The following RASSF8 variants were observed in gnomAD, a reference collection of about 807,000 sequenced individuals.
RASSF8 encodes the protein ras association domain-containing protein 8.
In RASSF8, 22 loss-of-function variants were observed where a neutral mutation model predicts 48.5. The observed-to-expected ratio is 0.45, with a 90% CI of 0.32 to 0.65. The LOEUF is 0.65. Among genes scored for constraint, RASSF8 ranks in the 30% least tolerant of loss-of-function variants. RASSF8 has a pLI of 0.03. For synonymous variants in RASSF8, 127 were observed against 171.5 expected (o/e 0.74, Z 2.03); for missense variants, 418 against 489.2 (o/e 0.85, Z 1.37).
At chr12:25,960,507 C>T in intron 1 of RASSF8, among the ~76,000 whole-genome samples, 1 of 152,140 alleles carries the variant, frequency 6.6e-6, no homozygotes, top group East Asian at 1.9e-4. Context: ...TTTTATTTAT[C>T]TCTATGAGGC....
intron 2 of RASSF8, among the ~76,000 whole-genome samples, chr12:26,010,223 G>A (rs12812752): frequency 0.083 from 12,584 of 152,194 alleles, 862 homozygotes; most frequent in East Asian, 0.27. Flanking sequence ...ACCAGCAAAG[G>A]GTTTGAGTTT....
At chr12:26,055,541 C>A (rs3741546) in intron 3 of RASSF8, 95 bp downstream of exon 3, 45,501 of 1,078,978 alleles carry the variant, frequency 0.042, 5,393 homozygotes, top group East Asian at 0.35. Flanking sequence ...GGATTTTGTT[C>A]ATTTGGTTCC....
intron 2 of RASSF8, among the ~76,000 whole-genome samples, chr12:26,013,755 G>A (rs1010824339): frequency 6.6e-6 from 1 of 151,832 alleles, no homozygotes; most frequent in African/African-American, 2.4e-5. Flanking sequence ...TCTAATATAT[G>A]TATACTTTGT....
At chr12:26,016,194 G>A (rs1942644147) in intron 2 of RASSF8, among the ~76,000 whole-genome samples, 1 of 134,772 alleles carries the variant, frequency 7.4e-6, no homozygotes, top group African/African-American at 2.7e-5. Context: ...AGTTATTAAG[G>A]GCTGTTTTTG....
At chr12:26,049,636 AT>A (rs1943448133) in intron 2 of RASSF8, among the ~76,000 whole-genome samples, 1 of 152,212 alleles carries the variant, frequency 6.6e-6, no homozygotes, top group Non-Finnish European at 1.5e-5. Flanking sequence ...AAAAAATATA[AT>A]TGTCAGTAAG....
chr12:26,048,005 C>A (rs1481159731), intron 2 of RASSF8, among the ~76,000 whole-genome samples: 1 of 152,148 alleles, frequency 6.6e-6, no homozygotes, highest in Non-Finnish European at 1.5e-5. Context: ...AAGGAAGCGG[C>A]TAGAAAGCAG....
At chr12:26,025,844 TTA>T (rs1169985795) in intron 2 of RASSF8, among the ~76,000 whole-genome samples, 2 of 151,880 alleles carry the variant, frequency 1.3e-5, no homozygotes, top group Non-Finnish European at 2.9e-5. Flanking sequence ...ATTGCAAAAG[TTA>T]TACACTGAAA....
chr12:25,961,911 C>A (rs1456246671), intron 1 of RASSF8, among the ~76,000 whole-genome samples: 1 of 152,146 alleles, frequency 6.6e-6, no homozygotes, highest in African/African-American at 2.4e-5. Context: ...ATTGCAAAAT[C>A]TCTTTCAAAC....
rs200867318 is a variant in RASSF8, at chr12:26,015,042, CA to C, written c.-109+19923del. Reference sequence around the variant, plus strand: ...GCAACATAGTGAGACCCCGTCTGTCCAAAAAAAAAAATAGAAATTAGCCAGG... The same window carrying C: ...GCAACATAGTGAGACCCCGTCTGTCCAAAAAAAAAATAGAAATTAGCCAGG... On this transcript the variant is annotated intron_variant, in intron 2 of 5. Transcript: ENST00000689635. Among the ~76,000 whole-genome samples the C allele has an allele frequency of 3.2e-3, 449 of 142,256 alleles. 3 individuals carry two copies. Among genetic ancestry groups the C allele is most frequent in the African/African-American group, 0.011 (414 of 38,854 alleles). The allele number at this position is 142,256 out of a possible 152,430, so 93.3% of individuals were successfully genotyped here. A position where few individuals can be genotyped will look rare whatever the true frequency, so the allele number is the denominator to read the frequency against.
chr12:25,983,480 AGTTCTCTACTAAAGGTAAT>A (rs1043684871), intron 1 of RASSF8, among the ~76,000 whole-genome samples: 9 of 152,228 alleles, frequency 5.9e-5, no homozygotes, highest in African/African-American at 1.7e-4. Context: ...TGATCTTATC[AGTTCTCTACTAAAGGTAAT>A]GTTCTCTACT....
chr12:26,058,561 CAG>C (rs1393472008), intron 3 of RASSF8, among the ~76,000 whole-genome samples: 14 of 146,824 alleles, frequency 9.5e-5, no homozygotes, highest in African/African-American at 3.3e-4. Flanking sequence ...CACACACACA[CAG>C]AGTGTATTCT....
At chr12:26,057,183 C>G (rs2137253347) in intron 3 of RASSF8, among the ~76,000 whole-genome samples, 1 of 151,688 alleles carries the variant, frequency 6.6e-6, no homozygotes, top group Non-Finnish European at 1.5e-5. Flanking sequence ...GCACAACATG[C>G]AGGTTTGTTA....
chr12:25,960,969 AT>A (rs1396280193), intron 1 of RASSF8, among the ~76,000 whole-genome samples: 1 of 152,202 alleles, frequency 6.6e-6, no homozygotes, highest in African/African-American at 2.4e-5. Context: ...ATATTTGGTA[AT>A]TACAGATTTA....
intron 2 of RASSF8, among the ~76,000 whole-genome samples, chr12:26,048,834 A>G (rs1591799719): frequency 6.6e-6 from 1 of 150,938 alleles, no homozygotes; most frequent in African/African-American, 2.4e-5. Flanking sequence ...GCTCACCGCA[A>G]CCTCCACCTC....
exon 6 of RASSF8, chr12:26,079,464 G>A (rs761183469): frequency 7.2e-5 from 11 of 152,556 alleles, no homozygotes; most frequent in South Asian, 2.1e-4. Flanking sequence ...GGTGGCACGC[G>A]CCTGTAATCC....
chr12:25,988,852 CGAGAATTCCTATAGTATGTTTA>C (rs1941949407), intron 1 of RASSF8, among the ~76,000 whole-genome samples: 1 of 152,098 alleles, frequency 6.6e-6, no homozygotes, highest in Non-Finnish European at 1.5e-5. Flanking sequence ...GGAAACCTCC[CGAGAATTCCTATAGTATGTTTA>C]GAGAAACTGT....
chr12:26,035,260 G>A (rs753079293), intron 2 of RASSF8, among the ~76,000 whole-genome samples: 35 of 151,286 alleles, frequency 2.3e-4, no homozygotes, highest in African/African-American at 5.8e-4. Context: ...ATGCTACTTC[G>A]GCTAGAAACA....
At chr12:25,960,567 G>A (rs1181532325) in intron 1 of RASSF8, among the ~76,000 whole-genome samples, 2 of 152,144 alleles carry the variant, frequency 1.3e-5, no homozygotes, top group African/African-American at 4.8e-5. Flanking sequence ...ACTTGAAGAA[G>A]ACTGAACATA....
intron 2 of RASSF8, among the ~76,000 whole-genome samples, chr12:26,000,982 CTTTT>C (rs34793650): frequency 2.5e-5 from 2 of 81,040 alleles, no homozygotes; most frequent in African/African-American, 1.0e-4. Context: ...TTAAAATTTC[CTTTT>C]TTTTTTTTTT....
Sources: gnomAD v4.1 joint callset for allele counts (sites outside exome capture counted in the v4.1 genomes callset) on GRCh38, gnomAD v4.1.1 for gene constraint, MANE v1.5 for transcripts, NCBI Gene and HGNC (gene_info 2026-07-23, HGNC 2026-07-21) for gene names.